Variants in VSIR observed in about 807,000 individuals in gnomAD.
The protein encoded by VSIR is V-set immunoregulatory receptor, also known as V-type immunoglobulin domain-containing suppressor of T-cell activation.
In VSIR, 10 loss-of-function variants were observed where a neutral mutation model predicts 31.0. The observed-to-expected ratio is 0.32, with a 90% confidence interval of 0.20 to 0.55. The LOEUF (loss-of-function observed/expected upper bound fraction) is 0.55. Ranked by LOEUF, VSIR falls within the 20% of genes least tolerant of loss-of-function variation. VSIR has a pLI of 0.93. For synonymous variants in VSIR, 179 were observed against 180.1 expected, an observed-to-expected ratio of 0.99 and a Z score of 0.05; for missense variants, 356 against 416.2, an observed-to-expected ratio of 0.86 and a Z score of 1.26.
intron 4 of VSIR, chr10:71,755,025 G>T (rs1360420933): frequency 2.0e-6 from 1 of 497,996 alleles, no homozygotes. Flanking sequence ...CCTTAAACAG[G>T]TCCCCCAAGG....
intron 3 of VSIR, among the ~76,000 whole-genome samples, chr10:71,759,396 A>G (rs1484481115): frequency 6.6e-6 from 1 of 152,090 alleles, no homozygotes; most frequent in Non-Finnish European, 1.5e-5. Context: ...AGTCCCAGCT[A>G]CTTGGGAGAA....
intron 5 of VSIR, 108 bp downstream of exon 5, chr10:71,752,867 C>T: frequency 7.4e-7 from 1 of 1,344,610 alleles, no homozygotes. Context: ...AGAGGCTCTT[C>T]TGACCAGCTG....
At chr10:71,759,183 G>A (rs556994954) in intron 3 of VSIR, among the ~76,000 whole-genome samples, 5 of 152,016 alleles carry the variant, frequency 3.3e-5, no homozygotes, top group South Asian at 2.1e-4. Context: ...GACTACAGGC[G>A]TGCACCACCA....
At chr10:71,755,548 G>A in intron 3 of VSIR, 82 bp from the exon 4 acceptor site, 1 of 1,345,332 alleles carries the variant, frequency 7.4e-7, no homozygotes, top group East Asian at 2.5e-5. Context: ...AGAGAGGGAA[G>A]GCCAGGAAGC....
rs3747869 is a variant in VSIR at position 71,760,875 on chromosome 10, A to C, written c.561T>G (p.Asp187Glu). The change falls in exon 3 of 7, where the codon GAT (aspartate) becomes GAG (glutamate). Residue 187 changes from aspartate (D) to glutamate (E), a missense_variant. Coordinates refer to ENST00000394957, the MANE Select transcript of VSIR (RefSeq NM_022153.2). ...NCVVYPSSSQDSENITAAALA... is the reference protein window; with the variant it reads ...NCVVYPSSSQESENITAAALA... ...AAGAGGTTGGTCCCTTACTTTCACT[A>C]TCCTGGGAGGAGGATGGGTACACCA... 1,447,184 of 1,613,268 alleles carry C rather than the reference A, an allele frequency of 0.9. 650,292 individuals are homozygous for C. Among genetic ancestry groups the C allele is most frequent in the African/African-American group, 0.97 (72,961 of 74,996 alleles).
chr10:71,759,962 CATAT>C (rs1326910459), intron 3 of VSIR, among the ~76,000 whole-genome samples: 1 of 116,492 alleles, frequency 8.6e-6, no homozygotes, highest in African/African-American at 2.9e-5. Context: ...TATACACACA[CATAT>C]ATATACACAC....
rs1244297476 is a variant in VSIR, at chr10:71,749,289, CCT to C, written c.*1962_*1963del. 6.6e-6 allele frequency: 1 copy of C among 152,236 alleles called. No homozygotes were observed. The highest frequency in any genetic ancestry group is 1.5e-5 in the Non-Finnish European group (1 of 68,080). 9.4% of individuals were successfully genotyped at this position (152,236 alleles called of 1,614,324 possible). On this transcript the variant is annotated 3_prime_UTR_variant, in exon 7 of 7. Coordinates refer to ENST00000394957, the MANE Select transcript of VSIR (RefSeq NM_022153.2). ...CCCCCATGAATTGTGAAAAACATAC[CCT>C]CTTTCCTTCTTTCTTTCTTTTTAAA...
At position 71,760,733 on chromosome 10, in the gene VSIR, C is replaced by T. The variant is rs189086216; in HGVS notation, c.568+135G>A. ...AGGAGGAAGCAGAAGGGATGTGCAG[C>T]AGCAGAAAAGGAGGAGGACCGGGGG... is the stretch of plus-strand genomic sequence containing the variant. On this transcript the variant is annotated intron_variant, in intron 3 of 6. Transcript: ENST00000394957. The T allele has an allele frequency of 1.6e-4, 121 of 776,584 alleles. 2 individuals carry two copies. The East Asian group carries it at 2.9e-3, about 19-fold the overall frequency. 48.1% of individuals were successfully genotyped at this position (776,584 alleles called of 1,614,324 possible).
rs116956100 is a variant in VSIR, at chr10:71,772,592, C to T, written c.82+766G>A. 1.6e-4 allele frequency among the ~76,000 whole-genome samples: 24 copies of T among 152,338 alleles called. No individual in the cohort carries two copies. In the East Asian group the frequency reaches 4.6e-3, roughly 29 times the overall value. On this transcript the variant is annotated intron_variant, in intron 1 of 6. Coordinates refer to ENST00000394957, the MANE Select transcript of VSIR (RefSeq NM_022153.2). ...TTTGGAAGGGGAAAATGGTGCTTCCCTGTGTGGGCTTCTGTGTTTGAGCTG... is the reference window on the plus strand; with the variant it reads ...TTTGGAAGGGGAAAATGGTGCTTCCTTGTGTGGGCTTCTGTGTTTGAGCTG...
intron 3 of VSIR, 129 bp downstream of exon 3, chr10:71,760,738 GA>G: frequency 1.2e-6 from 1 of 811,284 alleles, no homozygotes; most frequent in Non-Finnish European, 2.1e-6. Context: ...TGCAGCAGCA[GA>G]AAAGGAGGAG....
intron 1 of VSIR, among the ~76,000 whole-genome samples, chr10:71,771,497 G>A (rs1357087670): frequency 6.6e-6 from 1 of 152,214 alleles, no homozygotes; most frequent in African/African-American, 2.4e-5. Flanking sequence ...TGCTGACCAT[G>A]CCTGCAACCA....
chr10:71,761,468 C>T lies in VSIR; in HGVS notation c.511+130G>A, dbSNP rs776568616. ...ACCCTTGACCACCCCATCTCACCCA[C>T]ACACTCCCTGGAGTGCCAGTGTTAC... On this transcript the variant is annotated intron_variant, in intron 2 of 6. Coordinates refer to ENST00000394957, the MANE Select transcript of VSIR (RefSeq NM_022153.2). The T allele has an allele frequency of 4.4e-6, 5 of 1,135,418 alleles. No homozygotes were observed. In the African/African-American group the frequency reaches 4.7e-5, roughly 11 times the overall value. The allele number at this position is 1,135,418 out of a possible 1,614,324, so 70.3% of individuals were successfully genotyped here.
In VSIR at chr10:71,751,146, G is replaced by T; in HGVS notation, c.*107C>A. 1 of 1,317,728 alleles carries T rather than the reference G, an allele frequency of 7.6e-7. No homozygotes were observed. Among genetic ancestry groups the T allele is most frequent in the Non-Finnish European group, 1.0e-6 (1 of 953,536 alleles). The allele number at this position is 1,317,728 out of a possible 1,614,324, so 81.6% of individuals were successfully genotyped here. ...CACAGTATCTGAGCCCAGAGCAGGA[G>T]GGAGGGAACCAGGGCCGAGGCCAAG... On this transcript the variant is annotated 3_prime_UTR_variant, in exon 7 of 7. Coordinates refer to ENST00000394957, the MANE Select transcript of VSIR (RefSeq NM_022153.2). The surrounding 1 kb of genome is among the most constrained non-coding windows in gnomAD (Gnocchi z 4.9).
In VSIR at chr10:71,753,011, A is replaced by G; in HGVS notation, c.677-9T>C. ...CACCAGCTCCTGGGCACCTAGGGAC[A>G]GACAGACAGAGAAGCTGGTCATGGA... On this transcript the variant is annotated splice_polypyrimidine_tract_variant and intron_variant, in intron 4 of 6. Coordinates refer to ENST00000394957, the MANE Select transcript of VSIR (RefSeq NM_022153.2). 1 of 1,611,916 alleles carries G rather than the reference A, an allele frequency of 6.2e-7. No individual in the cohort carries two copies. Among genetic ancestry groups the G allele is most frequent in the South Asian group, 1.1e-5 (1 of 90,680 alleles).
At chr10:71,771,975 G>C (rs1344473144) in intron 1 of VSIR, among the ~76,000 whole-genome samples, 2 of 152,220 alleles carry the variant, frequency 1.3e-5, no homozygotes, top group African/African-American at 4.8e-5. Flanking sequence ...AGGGCAGGTG[G>C]CCCATGACAG....
chr10:71,762,295 C>T (rs1166274941), intron 1 of VSIR, among the ~76,000 whole-genome samples: 1 of 152,214 alleles, frequency 6.6e-6, no homozygotes, highest in Non-Finnish European at 1.5e-5. Flanking sequence ...GTGATGCAGT[C>T]GGGTGTGTCC....
At chr10:71,769,868 G>A (rs948751894) in intron 1 of VSIR, among the ~76,000 whole-genome samples, 3 of 152,218 alleles carry the variant, frequency 2.0e-5, no homozygotes, top group Admixed American at 6.5e-5. Flanking sequence ...TGAATGGACC[G>A]AATGTAAAAA....
At chr10:71,761,535 G>C in intron 2 of VSIR, 63 bp downstream of exon 2, 1 of 1,472,214 alleles carries the variant, frequency 6.8e-7, no homozygotes. Context: ...GTCATGAATG[G>C]TCACACCATC....
Position 71,751,930 on chromosome 10 carries a change from A to G in VSIR, c.705-69T>C. On this transcript the variant is annotated intron_variant, in intron 5 of 6. Transcript: ENST00000394957. This position sits in a 1 kb window ranked among gnomAD's most constrained non-coding sequence, Gnocchi z 4.9. ...CGTGAACTCTGCCCTCCCTGCCCCC[A>G]GTTTTTCTCTCCTCCCTTTCTCTCA... is the stretch of plus-strand genomic sequence containing the variant. 2 of 1,450,462 alleles carry G rather than the reference A, an allele frequency of 1.4e-6. No individual in the cohort carries two copies. Among genetic ancestry groups the G allele is most frequent in the South Asian group, 1.3e-5 (1 of 77,204 alleles). 89.8% of individuals were successfully genotyped at this position (1,450,462 alleles called of 1,614,324 possible).
Sources: gnomAD v4.1 joint callset for allele counts (sites outside exome capture counted in the v4.1 genomes callset) on GRCh38, gnomAD v4.1.1 for gene constraint, Gnocchi (gnomAD v3.1) non-coding constraint, MANE v1.5 for transcripts, NCBI Gene and HGNC (gene_info 2026-07-23, HGNC 2026-07-21) for gene names.